HNMT: variants seen among roughly 807,000 people sequenced by gnomAD.
The protein encoded by HNMT is histamine N-methyltransferase.
A neutral mutation model predicts 32.1 loss-of-function variants in HNMT; 30 were observed. The ratio of observed to expected loss-of-function variants is 0.93; its 90% CI spans 0.70 to 1.27. The LOEUF is 1.27. HNMT is among the 50% of genes most tolerant of loss of function. The pLI is 0.00. For synonymous variants in HNMT, 125 were observed against 119.0 expected, an observed-to-expected ratio of 1.05 and a Z score of -0.33; for missense variants, 327 against 346.0, an observed-to-expected ratio of 0.95 and a Z score of 0.43.
rs1681645790 is a variant in HNMT at position 138,015,835 on chromosome 2, C to A, written c.*1705C>A. On this transcript the variant is annotated 3_prime_UTR_variant, in exon 6 of 6. Transcript: ENST00000280097. ...ACAAACAAAATTAGAACTAACAATG[C>A]TATTGAAAGATACAAAAGAATTGCA... is the stretch of plus-strand genomic sequence containing the variant. 1 of 152,108 alleles carries A rather than the reference C, an allele frequency of 6.6e-6. No individual in the cohort carries two copies. Among genetic ancestry groups the A allele is most frequent in the Non-Finnish European group, 1.5e-5 (1 of 68,010 alleles). 9.4% of individuals were successfully genotyped at this position (152,108 alleles called of 1,614,324 possible).
intron 2 of HNMT, among the ~76,000 whole-genome samples, chr2:137,970,942 AAAGAAAGAAAG>A (rs1680114619): frequency 5.3e-4 from 2 of 3,764 alleles, no homozygotes; most frequent in South Asian, 0.021. Context: ...AAAAAGAAAG[AAAGAAAGAAAG>A]AAAGAAAGAA....
At chr2:137,979,534 G>A (rs1382144891) in intron 2 of HNMT, among the ~76,000 whole-genome samples, 1 of 151,872 alleles carries the variant, frequency 6.6e-6, no homozygotes, top group African/African-American at 2.4e-5. Context: ...TTATAGGCGT[G>A]AGCCACCACG....
chr2:137,996,521 AG>A (rs1681000390), intron 2 of HNMT, among the ~76,000 whole-genome samples: 1 of 152,214 alleles, frequency 6.6e-6, no homozygotes, highest in Non-Finnish European at 1.5e-5. Flanking sequence ...GATATAAGAG[AG>A]GATGCAATCA....
rs80168686 is a variant in HNMT at position 137,998,400 on chromosome 2, A to G, written c.191-2518A>G. 6.8e-3 allele frequency among the ~76,000 whole-genome samples: 1,030 copies of G among 152,294 alleles called. 12 individuals carry two copies. The highest frequency in any genetic ancestry group is 0.023 in the African/African-American group (965 of 41,570). On this transcript the variant is annotated intron_variant, in intron 2 of 5. Transcript: ENST00000280097. The stretch of plus-strand genomic sequence containing the variant: ...AAAATGAACAAGTTAGGACCAAAAA[A>G]CGAAAGCAGATGGACACTAAGTCAA...
chr2:137,979,264 T>C (rs1680407043), intron 2 of HNMT, among the ~76,000 whole-genome samples: 1 of 150,388 alleles, frequency 6.6e-6, no homozygotes, highest in Non-Finnish European at 1.5e-5. Context: ...AAATGTATAC[T>C]TTTATTTATT....
intron 1 of HNMT, among the ~76,000 whole-genome samples, chr2:137,966,437 T>C (rs1679958918): frequency 6.6e-6 from 1 of 152,230 alleles, no homozygotes; most frequent in South Asian, 2.1e-4. Flanking sequence ...AATAGCTAAG[T>C]AAGCATGCAT....
At chr2:138,010,074 T>G (rs1288548237) in intron 5 of HNMT, among the ~76,000 whole-genome samples, 1 of 152,062 alleles carries the variant, frequency 6.6e-6, no homozygotes, top group Non-Finnish European at 1.5e-5. Context: ...AAAGGGAAGA[T>G]GCTTCTGTGT....
chr2:138,001,826 A>G (rs377551777), intron 3 of HNMT, among the ~76,000 whole-genome samples: 2 of 152,206 alleles, frequency 1.3e-5, no homozygotes, highest in East Asian at 3.9e-4. Context: ...AATATAACCT[A>G]TTCTGCCCAG....
intron 1 of HNMT, among the ~76,000 whole-genome samples, chr2:137,965,489 C>G (rs1392095139): frequency 2.6e-5 from 4 of 152,118 alleles, no homozygotes; most frequent in South Asian, 2.1e-4. Context: ...GAAATTCTTT[C>G]ACCAGGGCAG....
At chr2:137,993,712 A>G (rs1414368479) in intron 2 of HNMT, among the ~76,000 whole-genome samples, 3 of 152,190 alleles carry the variant, frequency 2.0e-5, no homozygotes, top group Non-Finnish European at 4.4e-5. Flanking sequence ...TTCAACCCCA[A>G]GACACATAAT....
intron 2 of HNMT, among the ~76,000 whole-genome samples, chr2:137,989,871 T>G (rs1680767422): frequency 6.6e-6 from 1 of 152,222 alleles, no homozygotes; most frequent in Non-Finnish European, 1.5e-5. Context: ...CTTTATATAT[T>G]TATCTGTCAT....
At position 138,001,107 on chromosome 2, in the gene HNMT, A is replaced by G; in HGVS notation, c.298+82A>G. 6.0e-6 allele frequency: 4 copies of G among 669,806 alleles called. 1 individual carries two copies. In the South Asian group the frequency reaches 6.5e-5, roughly 11 times the overall value. The allele number at this position is 669,806 out of a possible 1,614,324, so 41.5% of individuals were successfully genotyped here. A position where few individuals can be genotyped will look rare whatever the true frequency, so the allele number is the denominator to read the frequency against. ...ATTGTTCCCTTGAATGATTAAAAAT[A>G]TAGTTACTGTGGTATGCTTTTCACA... On this transcript the variant is annotated intron_variant, in intron 3 of 5. Transcript: ENST00000280097.
chr2:138,013,679 T>C, intron 5 of HNMT, 96 bp from the exon 6 acceptor site: 2 of 844,086 alleles, frequency 2.4e-6, no homozygotes, highest in South Asian at 1.8e-5. Flanking sequence ...GACAAGATTA[T>C]TATTTTGTTC....
At chr2:137,965,710 C>G (rs1679936701) in intron 1 of HNMT, among the ~76,000 whole-genome samples, 1 of 152,082 alleles carries the variant, frequency 6.6e-6, no homozygotes, top group Admixed American at 6.5e-5. Context: ...TAGTTAACCT[C>G]TTTGGGTTTC....
chr2:137,975,007 C>T (rs1680244770), intron 2 of HNMT, among the ~76,000 whole-genome samples: 1 of 152,118 alleles, frequency 6.6e-6, no homozygotes. Flanking sequence ...AATAAGAAAC[C>T]TGGGGACCAT....
intron 2 of HNMT, among the ~76,000 whole-genome samples, chr2:137,971,664 G>T (rs3113203): frequency 6.6e-6 from 1 of 152,088 alleles, no homozygotes; most frequent in Non-Finnish European, 1.5e-5. Flanking sequence ...AGGTTGTAGT[G>T]AGAGTGATAT....
At position 138,015,802 on chromosome 2, in the gene HNMT, G is replaced by A. The variant is rs1681644883; in HGVS notation, c.*1672G>A. The A allele has an allele frequency of 6.6e-6, 1 of 152,074 alleles. No individual in the cohort carries two copies. The highest frequency in any genetic ancestry group is 6.6e-5 in the Admixed American group (1 of 15,254). The allele number at this position is 152,074 out of a possible 1,614,324, so 9.4% of individuals were successfully genotyped here. On this transcript the variant is annotated 3_prime_UTR_variant, in exon 6 of 6. Coordinates refer to ENST00000280097, the MANE Select transcript of HNMT (RefSeq NM_006895.3). ...ACAGAGTCTTTTGTATAAAGCACAC[G>A]TGCAAAAACAAACAAAATTAGAACT...
chr2:137,980,175 A>C (rs1680445870), intron 2 of HNMT, among the ~76,000 whole-genome samples: 1 of 152,008 alleles, frequency 6.6e-6, no homozygotes, highest in African/African-American at 2.4e-5. Context: ...AGCTGGGACT[A>C]CAGGCGTCAG....
intron 5 of HNMT, among the ~76,000 whole-genome samples, chr2:138,007,269 T>C (rs1455179618): frequency 1.3e-5 from 2 of 152,058 alleles, no homozygotes; most frequent in African/African-American, 4.8e-5. Context: ...CTCCTAAGCC[T>C]AAGAATGTCT....
Sources: allele counts gnomAD v4.1 joint callset (sites outside exome capture counted in the v4.1 genomes callset), GRCh38; gene constraint gnomAD v4.1.1; transcripts MANE v1.5; gene names NCBI Gene and HGNC (gene_info 2026-07-23, HGNC 2026-07-21).